Variants in SCN11A observed in about 807,000 individuals in gnomAD.
The protein encoded by SCN11A is sodium voltage-gated channel alpha subunit 11.
In SCN11A, 122 loss-of-function variants were observed where a neutral mutation model predicts 162.2. The ratio of observed to expected loss-of-function variants is 0.75; its 90% confidence interval spans 0.65 to 0.87. SCN11A has a LOEUF of 0.87. Ranked by LOEUF, SCN11A falls within the 40% of genes least tolerant of loss-of-function variation. The pLI, the probability that SCN11A is intolerant of heterozygous loss-of-function variation, is 0.00. For synonymous variants in SCN11A, 758 were observed against 751.5 expected, an observed-to-expected ratio of 1.01 and a Z score of -0.14; for missense variants, 2,015 against 2,181.6, an observed-to-expected ratio of 0.92 and a Z score of 1.52.
chr3:38,974,748 A>T (rs1284781559), intron 2 of SCN11A, among the ~76,000 whole-genome samples: 1 of 151,494 alleles, frequency 6.6e-6, no homozygotes, highest in African/African-American at 2.4e-5. Context: ...GCCTAATTCA[A>T]GTCTAATTGA....
chr3:38,909,042 T>TA lies in SCN11A; in HGVS notation c.1253_1254insT (p.Glu418AspfsTer24), dbSNP rs752717375. 12 of 1,613,870 alleles carry TA rather than the reference T, an allele frequency of 7.4e-6. No homozygotes were observed. In the South Asian group the frequency reaches 1.3e-4, roughly 18 times the overall value. ...GCTGCTGGGCTTCCTGAAACATCTT[T>TA]TCCTTGGCCTCTATCTCTGCAGCTA... On this transcript the variant is annotated frameshift_variant, in exon 13 of 30. Coordinates refer to ENST00000302328, the MANE Select transcript of SCN11A (RefSeq NM_001349253.2). LOFTEE classifies it high-confidence loss of function.
chr3:38,872,482 C>A (rs535591461), intron 23 of SCN11A, among the ~76,000 whole-genome samples, 188 bp from the exon 24 acceptor site: 47 of 152,266 alleles, frequency 3.1e-4, no homozygotes, highest in African/African-American at 1.1e-3. Flanking sequence ...AGAGATATAA[C>A]AATCACATGT....
At chr3:39,041,046 C>T (rs2032039874) in intron 1 of SCN11A, among the ~76,000 whole-genome samples, 3 of 152,182 alleles carry the variant, frequency 2.0e-5, no homozygotes, top group African/African-American at 7.2e-5. Flanking sequence ...AGCGCCACTG[C>T]ACTCCGGCCT....
At chr3:38,872,072 G>T in intron 24 of SCN11A, 121 bp downstream of exon 24, 1 of 725,228 alleles carries the variant, frequency 1.4e-6, no homozygotes, top group Non-Finnish European at 2.5e-6. Flanking sequence ...GCACTGGGCA[G>T]GCTGGGAAGT....
At chr3:38,958,502 C>G (rs1271606733) in intron 3 of SCN11A, among the ~76,000 whole-genome samples, 1 of 152,222 alleles carries the variant, frequency 6.6e-6, no homozygotes, top group Non-Finnish European at 1.5e-5. Context: ...CTCACAATGT[C>G]CAATTTGAGC....
chr3:39,026,425 T>A (rs2031591731), intron 2 of SCN11A, among the ~76,000 whole-genome samples: 1 of 152,134 alleles, frequency 6.6e-6, no homozygotes, highest in Non-Finnish European at 1.5e-5. Context: ...GTCGTGGGAG[T>A]TCTCCCTTTT....
chr3:39,028,334 T>A (rs2031642521), intron 2 of SCN11A, among the ~76,000 whole-genome samples: 1 of 152,204 alleles, frequency 6.6e-6, no homozygotes, highest in South Asian at 2.1e-4. Flanking sequence ...AGAAATAGTT[T>A]AACCCCTCTT....
chr3:38,925,288 C>T, intron 9 of SCN11A, 127 bp downstream of exon 9: 1 of 662,898 alleles, frequency 1.5e-6, no homozygotes, highest in East Asian at 2.7e-5. Context: ...TCAGTTGGAC[C>T]ATCAAATAAA....
rs755738441 is a variant in SCN11A, at chr3:38,846,937, G to T, written c.5133C>A (p.Phe1711Leu). 2 of 1,613,972 alleles carry T rather than the reference G, an allele frequency of 1.2e-6. No individual in the cohort carries two copies. Among genetic ancestry groups the T allele is most frequent in the Admixed American group, 1.7e-5 (1 of 59,992 alleles). ...ACTTCTTGAGAGGATTGGCTTCCAT[G>T]AACTTCTCTTCCATCATTGCTTTCA... ...DSMKAMMEEK[F>L]MEANPLKKLY... The change falls in exon 30 of 30, where the codon TTC becomes TTA. Residue 1711 changes from phenylalanine to leucine, a missense_variant. Transcript: ENST00000302328.
intron 7 of SCN11A, among the ~76,000 whole-genome samples, chr3:38,931,274 C>T (rs780526983): frequency 5.3e-4 from 80 of 152,284 alleles, no homozygotes; most frequent in Non-Finnish European, 9.0e-4. Flanking sequence ...CAGGTTCCAC[C>T]CAGCAACAGA....
chr3:38,928,567 G>C (rs2066180526), intron 7 of SCN11A, among the ~76,000 whole-genome samples: 1 of 151,782 alleles, frequency 6.6e-6, no homozygotes, highest in African/African-American at 2.4e-5. Context: ...AAATAAAATA[G>C]AACTCCTACA....
intron 20 of SCN11A, among the ~76,000 whole-genome samples, chr3:38,885,657 T>C (rs2065385915): frequency 6.6e-6 from 1 of 152,156 alleles, no homozygotes; most frequent in Non-Finnish European, 1.5e-5. Context: ...ATACAGTACC[T>C]CCACGTTTTC....
In SCN11A at chr3:39,030,273, A is replaced by G. The variant is rs189584545; in HGVS notation, c.-280+2107T>C. Among the ~76,000 whole-genome samples the G allele has an allele frequency of 1.9e-3, 283 of 152,296 alleles. 1 individual carries two copies. Among genetic ancestry groups the G allele is most frequent in the African/African-American group, 6.6e-3 (275 of 41,554 alleles). On this transcript the variant is annotated intron_variant, in intron 2 of 29. Transcript: ENST00000302328. ...CCTGTAACCACTGCTGAAAACATCT[A>G]GGTTGGTGACAGAACCTGGTCGTGA...
chr3:38,852,626 C>A (rs1211574020), intron 28 of SCN11A, among the ~76,000 whole-genome samples: 3 of 152,158 alleles, frequency 2.0e-5, no homozygotes, highest in Non-Finnish European at 4.4e-5. Flanking sequence ...TGATTCCAAA[C>A]CCCTTGTTCT....
intron 9 of SCN11A, among the ~76,000 whole-genome samples, chr3:38,922,986 G>A (rs1392788381): frequency 6.6e-6 from 1 of 152,068 alleles, no homozygotes; most frequent in Non-Finnish European, 1.5e-5. Context: ...AAACTGTTTT[G>A]TTTGTTTGTT....
rs1420451743 is a variant in SCN11A at position 38,846,347 on chromosome 3, C to T, written c.*347G>A. On this transcript the variant is annotated 3_prime_UTR_variant, in exon 30 of 30. Transcript: ENST00000302328. The stretch of plus-strand genomic sequence containing the variant: ...CAGGATGGTCTCGATCTCTTGACCT[C>T]GTGATCCACCTGCCTTGGCCTCTCA... 3.3e-5 allele frequency: 7 copies of T among 213,516 alleles called. No individual in the cohort carries two copies. Among genetic ancestry groups the T allele is most frequent in the East Asian group, 3.0e-4 (3 of 9,904 alleles). 13.2% of individuals were successfully genotyped at this position (213,516 alleles called of 1,614,324 possible).
chr3:38,912,389 C>T (rs901831136), intron 11 of SCN11A, among the ~76,000 whole-genome samples: 13 of 152,116 alleles, frequency 8.5e-5, no homozygotes, highest in East Asian at 1.9e-4. Context: ...TTGCACTTCC[C>T]GCCACTCTCT....
chr3:38,886,045 C>T (rs2065392020), intron 20 of SCN11A, 80 bp downstream of exon 20: 1 of 896,794 alleles, frequency 1.1e-6, no homozygotes, highest in Admixed American at 2.1e-5. Flanking sequence ...ATTAATTGTG[C>T]CATTTTTCCA....
chr3:39,043,500 A>C (rs200735676), intron 1 of SCN11A, among the ~76,000 whole-genome samples: 8 of 149,334 alleles, frequency 5.4e-5, no homozygotes, highest in Admixed American at 2.7e-4. Flanking sequence ...AAAAAAAAAA[A>C]CCCAGAATCC....
Sources: gnomAD v4.1 joint callset for allele counts (sites outside exome capture counted in the v4.1 genomes callset) on GRCh38, gnomAD v4.1.1 for gene constraint, MANE v1.5 for transcripts, NCBI Gene and HGNC (gene_info 2026-07-23, HGNC 2026-07-21) for gene names.